Variants in PKIA observed in about 807,000 individuals in gnomAD.
PKIA encodes the protein PKI-alpha.
PKIA carries 4 observed loss-of-function variants against 7.6 expected under a neutral mutation model. That is an observed-to-expected ratio of 0.52 (90% CI 0.26 to 1.20). The LOEUF is 1.20. Ranked by LOEUF, PKIA falls within the 50% of genes most tolerant of loss-of-function variation. The pLI is 0.13. For missense variants in PKIA, 73 were observed against 86.2 expected (o/e 0.85, Z 0.61); for synonymous variants, 21 against 30.7 (o/e 0.68, Z 1.04).
chr8:78,529,224 A>G (rs1806333357), intron 1 of PKIA, among the ~76,000 whole-genome samples: 1 of 152,150 alleles, frequency 6.6e-6, no homozygotes, highest in Non-Finnish European at 1.5e-5. Context: ...ACAATAAAAT[A>G]TACCTGCTAC....
At chr8:78,583,698 TG>T (rs1328736692) in intron 2 of PKIA, among the ~76,000 whole-genome samples, 1 of 151,952 alleles carries the variant, frequency 6.6e-6, no homozygotes, top group African/African-American at 2.4e-5. Flanking sequence ...GACAGCAAGG[TG>T]GGGACTGGAG....
At chr8:78,586,288 A>G (rs961007378) in intron 2 of PKIA, among the ~76,000 whole-genome samples, 2 of 152,198 alleles carry the variant, frequency 1.3e-5, no homozygotes, top group Non-Finnish European at 2.9e-5. Flanking sequence ...TACATAACTA[A>G]GTAGGAGATG....
At chr8:78,544,076 ATATACT>A (rs1196262886) in intron 1 of PKIA, among the ~76,000 whole-genome samples, 11 of 152,168 alleles carry the variant, frequency 7.2e-5, no homozygotes, top group Admixed American at 6.6e-4. Flanking sequence ...ATTTACTATA[ATATACT>A]TATATAGCTA....
chr8:78,571,684 T>C (rs1807551981), intron 1 of PKIA, among the ~76,000 whole-genome samples: 1 of 152,086 alleles, frequency 6.6e-6, no homozygotes. Context: ...TATTCTCAAT[T>C]CCAGCTCTAC....
intron 3 of PKIA, among the ~76,000 whole-genome samples, chr8:78,601,090 C>T (rs1157221340): frequency 6.6e-6 from 1 of 151,964 alleles, no homozygotes; most frequent in Non-Finnish European, 1.5e-5. Context: ...TTTGCCATAC[C>T]ACTGGCTAAG....
intron 1 of PKIA, among the ~76,000 whole-genome samples, chr8:78,528,343 A>G (rs917424015): frequency 2.0e-5 from 3 of 152,056 alleles, no homozygotes; most frequent in African/African-American, 7.2e-5. Context: ...TCATAACACT[A>G]TTATACAGAG....
chr8:78,558,198 A>C (rs1447082087), intron 1 of PKIA, among the ~76,000 whole-genome samples: 1 of 152,196 alleles, frequency 6.6e-6, no homozygotes, highest in Non-Finnish European at 1.5e-5. Flanking sequence ...CAGTGTCCCT[A>C]AAATATCTAT....
At chr8:78,545,900 GTCATCTTAAGT>G (rs1175733648) in intron 1 of PKIA, among the ~76,000 whole-genome samples, 1 of 152,130 alleles carries the variant, frequency 6.6e-6, no homozygotes, top group African/African-American at 2.4e-5. Context: ...AAGCTGAATT[GTCATCTTAAGT>G]GACAGATATT....
At chr8:78,567,794 G>T (rs1017576410) in intron 1 of PKIA, among the ~76,000 whole-genome samples, 1 of 152,160 alleles carries the variant, frequency 6.6e-6, no homozygotes, top group African/African-American at 2.4e-5. Context: ...ACGCCAGTAA[G>T]AATCTGTGGA....
At chr8:78,590,231 A>T (rs1164833729) in intron 2 of PKIA, among the ~76,000 whole-genome samples, 1 of 152,014 alleles carries the variant, frequency 6.6e-6, no homozygotes, top group Admixed American at 6.6e-5. Flanking sequence ...CGTTTGGGAA[A>T]TTTACATAAC....
chr8:78,543,382 C>T (rs1177068343), intron 1 of PKIA, among the ~76,000 whole-genome samples: 1 of 152,154 alleles, frequency 6.6e-6, no homozygotes, highest in Non-Finnish European at 1.5e-5. Context: ...CAATGTCTTA[C>T]ATATTATTTC....
At chr8:78,537,307 T>G (rs1306241484) in intron 1 of PKIA, among the ~76,000 whole-genome samples, 4 of 152,016 alleles carry the variant, frequency 2.6e-5, no homozygotes, top group Middle Eastern at 3.2e-3. Flanking sequence ...AGCTATAAAC[T>G]TTTAGCAAAA....
intron 1 of PKIA, among the ~76,000 whole-genome samples, chr8:78,532,864 G>A (rs78436863): frequency 0.15 from 23,531 of 152,010 alleles, 2,397 homozygotes; most frequent in African/African-American, 0.29. Flanking sequence ...GCAGTGAGCT[G>A]AGATGGCACC....
intron 1 of PKIA, among the ~76,000 whole-genome samples, chr8:78,548,686 G>A (rs1018185306): frequency 6.6e-6 from 1 of 152,024 alleles, no homozygotes; most frequent in Non-Finnish European, 1.5e-5. Context: ...AAATAGGCCT[G>A]TCAATAAAGG....
At chr8:78,522,555 T>C (rs1007493472) in intron 1 of PKIA, among the ~76,000 whole-genome samples, 1 of 151,976 alleles carries the variant, frequency 6.6e-6, no homozygotes, top group African/African-American at 2.4e-5. Flanking sequence ...GGAAATCAAC[T>C]GAACATGATC....
intron 1 of PKIA, among the ~76,000 whole-genome samples, chr8:78,523,096 TTA>T (rs1453739675): frequency 6.6e-6 from 1 of 151,902 alleles, no homozygotes; most frequent in Admixed American, 6.6e-5. Flanking sequence ...GCATTAGTTT[TTA>T]CTTAAACATT....
chr8:78,558,585 A>C (rs890332693), intron 1 of PKIA: 3 of 152,228 alleles, frequency 2.0e-5, no homozygotes, highest in African/African-American at 7.2e-5. Flanking sequence ...ACAGCACGGC[A>C]AGACCACCCC....
intron 2 of PKIA, among the ~76,000 whole-genome samples, chr8:78,597,616 T>C (rs932526993): frequency 1.1e-4 from 17 of 152,116 alleles, no homozygotes; most frequent in African/African-American, 3.9e-4. Flanking sequence ...CTCTCTGGAG[T>C]TGAAGAATGA....
At chr8:78,546,504 T>C (rs988646093) in intron 1 of PKIA, among the ~76,000 whole-genome samples, 1 of 152,132 alleles carries the variant, frequency 6.6e-6, no homozygotes, top group Non-Finnish European at 1.5e-5. Context: ...CATACAAACT[T>C]TTGACTCTAG....
Sources: gnomAD v4.1 joint callset for allele counts (sites outside exome capture counted in the v4.1 genomes callset) on GRCh38, gnomAD v4.1.1 for gene constraint, MANE v1.5 for transcripts, NCBI Gene and HGNC (gene_info 2026-07-23, HGNC 2026-07-21) for gene names.